Variants in YIPF1 observed in about 807,000 individuals in gnomAD.
YIPF1 encodes the protein protein YIPF1.
A neutral mutation model predicts 37.0 loss-of-function variants in YIPF1; 22 were observed. The ratio of observed to expected loss-of-function variants is 0.59; its 90% CI spans 0.42 to 0.85. The LOEUF (loss-of-function observed/expected upper bound fraction) is 0.85. YIPF1 is among the 40% of genes least tolerant of loss of function. The pLI is 0.00. For missense variants in YIPF1, 355 were observed against 373.1 expected, an observed-to-expected ratio of 0.95 and a Z score of 0.40; for synonymous variants, 128 against 131.9, an observed-to-expected ratio of 0.97 and a Z score of 0.21.
chr1:53,855,298 A>C (rs1270584166), intron 10 of YIPF1, among the ~76,000 whole-genome samples: 1 of 151,470 alleles, frequency 6.6e-6, no homozygotes, highest in Non-Finnish European at 1.5e-5. Flanking sequence ...TGGAAAGCTC[A>C]CCCCAATCTG....
At chr1:53,866,442 A>G (rs1650027092) in intron 8 of YIPF1, 60 bp from the exon 9 acceptor site, 1 of 1,552,096 alleles carries the variant, frequency 6.4e-7, no homozygotes, top group East Asian at 2.3e-5. Flanking sequence ...CATTCCAGGC[A>G]CATATGTTTA....
intron 10 of YIPF1, among the ~76,000 whole-genome samples, chr1:53,855,512 T>C (rs1355463082): frequency 6.6e-6 from 1 of 152,206 alleles, no homozygotes; most frequent in African/African-American, 2.4e-5. Flanking sequence ...AGTCCCACAC[T>C]GCATAATGAT....
chr1:53,857,891 G>A (rs966771264), intron 10 of YIPF1, among the ~76,000 whole-genome samples: 3 of 149,342 alleles, frequency 2.0e-5, no homozygotes, highest in African/African-American at 7.4e-5. Context: ...TGAGGCAGGA[G>A]AATCTCTTGA....
rs755263655 is a variant in YIPF1, at chr1:53,888,913, A to C, written c.25T>G (p.Phe9Val). 1.1e-5 allele frequency: 17 copies of C among 1,592,268 alleles called. No homozygotes were observed. In the South Asian group the frequency reaches 1.9e-4, roughly 18 times the overall value. ...GGGCACCCAACTGGTATACCTTCAAATTGCAAGTCATCTACTGCTGCCATT... is the reference window on the plus strand; with the variant it reads ...GGGCACCCAACTGGTATACCTTCAACTTGCAAGTCATCTACTGCTGCCATT... MAAVDDLQ[F>V]EEFGNAATSL... Residue 9 changes from phenylalanine (F) to valine (V), a missense_variant, in exon 3 of 11, where the codon TTT becomes GTT. Coordinates refer to ENST00000072644, the MANE Select transcript of YIPF1 (RefSeq NM_018982.5).
chr1:53,870,566 T>C (rs563884236), intron 7 of YIPF1, among the ~76,000 whole-genome samples: 1 of 152,304 alleles, frequency 6.6e-6, no homozygotes, highest in Non-Finnish European at 1.5e-5. Flanking sequence ...GCTTTGTGAC[T>C]GGCAATTGCA....
chr1:53,866,182 A>G lies in YIPF1; in HGVS notation c.831+18T>C, dbSNP rs1650015932. ...TGGATATAAAACACACCAAAAGAAT[A>G]TACGACTGAACCCATACCAAGCAGC... On this transcript the variant is annotated intron_variant, in intron 9 of 10. Transcript: ENST00000072644. The G allele has an allele frequency of 2.5e-6, 4 of 1,610,158 alleles. No homozygotes were observed. Among genetic ancestry groups the G allele is most frequent in the African/African-American group, 1.3e-5 (1 of 74,718 alleles).
At chr1:53,883,813 G>A (rs1399955896) in intron 3 of YIPF1, among the ~76,000 whole-genome samples, 1 of 152,140 alleles carries the variant, frequency 6.6e-6, no homozygotes, top group South Asian at 2.1e-4. Context: ...CAAGGCAGGC[G>A]GATCACCTGA....
chr1:53,889,331 T>C lies in YIPF1; in HGVS notation c.-137A>G, dbSNP rs11554145. 322 of 172,662 alleles carry C rather than the reference T, an allele frequency of 1.9e-3. No homozygotes were observed. Among genetic ancestry groups the C allele is most frequent in the African/African-American group, 7.2e-3 (305 of 42,366 alleles). 10.7% of individuals were successfully genotyped at this position (172,662 alleles called of 1,614,324 possible). Reference sequence around the variant, plus strand: ...GGTTTGAAAGAGGTGATGGGGACAGTGAAGAACAAAGGCAGTTCAGCCTAG... The same window carrying C: ...GGTTTGAAAGAGGTGATGGGGACAGCGAAGAACAAAGGCAGTTCAGCCTAG... On this transcript the variant is annotated 5_prime_UTR_variant, in exon 2 of 11. Transcript: ENST00000072644.
chr1:53,884,587 G>T (rs35314517), intron 3 of YIPF1, among the ~76,000 whole-genome samples: 21,111 of 152,214 alleles, frequency 0.14, 1,938 homozygotes, highest in East Asian at 0.39. Flanking sequence ...AGGAGTGTCT[G>T]TGTAGAAAAA....
chr1:53,878,181 G>T, intron 6 of YIPF1, 134 bp downstream of exon 6: 1 of 789,108 alleles, frequency 1.3e-6, no homozygotes. Context: ...TGCAAGGGTT[G>T]CTACTGAAGT....
rs902371206 is a variant in YIPF1 at position 53,888,989 on chromosome 1, A to G, written c.-49-3T>C. On this transcript the variant is annotated splice_polypyrimidine_tract_variant and splice_region_variant and intron_variant, in intron 2 of 10. Coordinates refer to ENST00000072644, the MANE Select transcript of YIPF1 (RefSeq NM_018982.5). ...TGAGGAAGAAAATTTGCAGGGTTCT[A>G]AAAGAAAAAAATAGGTAAACATAAT... 5 of 1,534,656 alleles carry G rather than the reference A, an allele frequency of 3.3e-6. No homozygotes were observed. The highest frequency in any genetic ancestry group is 1.4e-5 in the African/African-American group (1 of 73,754).
At chr1:53,854,508 C>T (rs542749776) in intron 10 of YIPF1, among the ~76,000 whole-genome samples, 17 of 152,192 alleles carry the variant, frequency 1.1e-4, no homozygotes, top group Non-Finnish European at 1.9e-4. Context: ...GCTGCACTAT[C>T]GCATGGGCAT....
chr1:53,864,324 C>T (rs1649963579), intron 9 of YIPF1, among the ~76,000 whole-genome samples: 1 of 152,242 alleles, frequency 6.6e-6, no homozygotes, highest in Non-Finnish European at 1.5e-5. Flanking sequence ...AAGGGATCAA[C>T]TCAGAGATTC....
intron 10 of YIPF1, among the ~76,000 whole-genome samples, chr1:53,856,308 G>C (rs1649717044): frequency 6.6e-6 from 1 of 152,216 alleles, no homozygotes; most frequent in Admixed American, 6.5e-5. Context: ...CTGACTCTCT[G>C]AAGGCCTTTA....
rs79193486 is a variant in YIPF1 at position 53,874,908 on chromosome 1, A to G, written c.364+3407T>C. 7.8e-3 allele frequency among the ~76,000 whole-genome samples: 1,191 copies of G among 152,320 alleles called. 10 individuals are homozygous for G. The highest frequency in any genetic ancestry group is 0.028 in the African/African-American group (1,149 of 41,564). On this transcript the variant is annotated intron_variant, in intron 6 of 10. Coordinates refer to ENST00000072644, the MANE Select transcript of YIPF1 (RefSeq NM_018982.5). ...TTTTTAACTACAGAATTCCATGTATAAATATAGTAGCACAATGTATCCATT... is the reference window on the plus strand; with the variant it reads ...TTTTTAACTACAGAATTCCATGTATGAATATAGTAGCACAATGTATCCATT...
intron 3 of YIPF1, 77 bp downstream of exon 3, chr1:53,888,830 G>T: frequency 7.4e-7 from 1 of 1,357,328 alleles, no homozygotes; most frequent in Non-Finnish European, 1.0e-6. Flanking sequence ...GTGTGAGGCA[G>T]TATAGGAATG....
chr1:53,860,236 C>T (rs2100720870), intron 9 of YIPF1, 83 bp from the exon 10 acceptor site: 1 of 1,277,894 alleles, frequency 7.8e-7, no homozygotes. Context: ...GCTAACAGTA[C>T]TTTTGGACTC....
At chr1:53,872,363 A>G (rs1650215980) in intron 6 of YIPF1, among the ~76,000 whole-genome samples, 1 of 152,088 alleles carries the variant, frequency 6.6e-6, no homozygotes, top group South Asian at 2.1e-4. Flanking sequence ...CCTCCTGTGT[A>G]CCCTTCTATT....
intron 8 of YIPF1, 24 bp downstream of exon 8, chr1:53,866,734 C>T: frequency 6.3e-7 from 1 of 1,596,972 alleles, no homozygotes; most frequent in Non-Finnish European, 8.5e-7. Context: ...CACTCAGAAT[C>T]TACTCCCTAA....
Sources: allele counts gnomAD v4.1 joint callset (sites outside exome capture counted in the v4.1 genomes callset), GRCh38; gene constraint gnomAD v4.1.1; transcripts MANE v1.5; gene names NCBI Gene and HGNC (gene_info 2026-07-23, HGNC 2026-07-21).